COL15A1: variants seen among roughly 807,000 people sequenced by gnomAD.
COL15A1 encodes the protein collagen alpha-1(XV) chain.
In COL15A1, 111 loss-of-function variants were observed where a neutral mutation model predicts 165.9. The ratio of observed to expected loss-of-function variants is 0.67; its 90% CI spans 0.57 to 0.78. The LOEUF (loss-of-function observed/expected upper bound fraction) is 0.78. Among genes scored for constraint, COL15A1 ranks in the 30% least tolerant of loss-of-function variants. The probability of loss-of-function intolerance (pLI) is 0.00; values close to 1 mark genes in which losing one functional copy is unlikely to be tolerated. For synonymous variants in COL15A1, 659 were observed against 674.8 expected, an observed-to-expected ratio of 0.98 and a Z score of 0.36; for missense variants, 1,745 against 1,789.7, an observed-to-expected ratio of 0.98 and a Z score of 0.45.
rs1839300936 is a variant in COL15A1 at position 99,036,293 on chromosome 9, C to T, written c.2326-20C>T. The T allele has an allele frequency of 2.5e-6, 4 of 1,614,006 alleles. No homozygotes were observed. The highest frequency in any genetic ancestry group is 2.2e-5 in the East Asian group (1 of 44,878). ...CGCTGTACAGTGAATTTTTTTCTCA[C>T]TTCTTGCTGCTTTGACCAGGGAGAA... On this transcript the variant is annotated intron_variant, in intron 20 of 41. Transcript: ENST00000375001.
At chr9:99,037,004 A>C (rs1445145235) in intron 21 of COL15A1, among the ~76,000 whole-genome samples, 1 of 152,158 alleles carries the variant, frequency 6.6e-6, no homozygotes, top group Non-Finnish European at 1.5e-5. Context: ...CAAGGATTAC[A>C]CCCTTCATGT....
At chr9:98,945,459 T>C (rs922961576) in intron 2 of COL15A1, among the ~76,000 whole-genome samples, 2 of 152,102 alleles carry the variant, frequency 1.3e-5, no homozygotes, top group African/African-American at 4.8e-5. Context: ...CCCTTTGAAT[T>C]TGGGGGATTA....
At chr9:98,961,273 G>C (rs926981544) in intron 2 of COL15A1, among the ~76,000 whole-genome samples, 3 of 152,208 alleles carry the variant, frequency 2.0e-5, no homozygotes, top group Non-Finnish European at 2.9e-5. Context: ...AGTCTAATGG[G>C]GGACATTGAT....
Position 99,059,938 on chromosome 9 carries a change from C to G in COL15A1, c.3387C>G (p.Pro1129=), listed in dbSNP as rs4480177. ...PPGPPGQPGL[P]GSRNLVTAFS... is the part of the protein sequence containing the mutation. Reference sequence around the variant, plus strand: ...GCCCTCCAGGACAGCCAGGGCTTCCCGGATCCAGAAACCTGGTCAGTATTA... The same window carrying G: ...GCCCTCCAGGACAGCCAGGGCTTCCGGGATCCAGAAACCTGGTCAGTATTA... The change falls in exon 36 of 42, where the codon CCC becomes CCG. Residue 1129 remains proline, a synonymous_variant. Transcript: ENST00000375001. The G allele has an allele frequency of 6.2e-7, 1 of 1,612,590 alleles. No homozygotes were observed. The highest frequency in any genetic ancestry group is 8.5e-7 in the Non-Finnish European group (1 of 1,179,382).
chr9:99,028,199 C>G (rs1478983533), intron 16 of COL15A1, among the ~76,000 whole-genome samples: 2 of 152,062 alleles, frequency 1.3e-5, no homozygotes, highest in Non-Finnish European at 2.9e-5. Context: ...GGAGTTTTCT[C>G]TACAAAGAAT....
chr9:99,043,979 GGAGCTTA>G (rs1311359587), intron 24 of COL15A1, among the ~76,000 whole-genome samples: 3 of 152,198 alleles, frequency 2.0e-5, no homozygotes, highest in Non-Finnish European at 4.4e-5. Context: ...TGTTTGCACA[GGAGCTTA>G]GAGTTTGGAG....
chr9:98,987,121 A>C (rs1486838725), intron 3 of COL15A1, among the ~76,000 whole-genome samples, 173 bp from the exon 4 acceptor site: 2 of 152,110 alleles, frequency 1.3e-5, no homozygotes, highest in African/African-American at 4.8e-5. Context: ...GTCCCCCCAT[A>C]ACTGAGAGTG....
intron 7 of COL15A1, among the ~76,000 whole-genome samples, chr9:99,002,903 C>T (rs191983304): frequency 1.2e-4 from 19 of 152,336 alleles, no homozygotes; most frequent in Non-Finnish European, 1.5e-5. Flanking sequence ...GAAGATAGAA[C>T]ATAGTTTGCT....
chr9:99,066,318 C>G (rs1324455983), intron 39 of COL15A1, among the ~76,000 whole-genome samples: 1 of 152,158 alleles, frequency 6.6e-6, no homozygotes, highest in Admixed American at 6.5e-5. Flanking sequence ...CTATAAGACC[C>G]CTAGTTCCAG....
At chr9:98,986,795 T>C (rs931953759) in intron 3 of COL15A1, among the ~76,000 whole-genome samples, 4 of 152,166 alleles carry the variant, frequency 2.6e-5, no homozygotes, top group African/African-American at 9.7e-5. Context: ...TGTTAAGAAG[T>C]TAAAACACAA....
intron 26 of COL15A1, 94 bp from the exon 27 acceptor site, chr9:99,047,692 G>C: frequency 1.5e-6 from 2 of 1,319,054 alleles, no homozygotes; most frequent in Non-Finnish European, 2.2e-6. Flanking sequence ...GTGGATCATC[G>C]TCACCACTGC....
chr9:98,986,543 C>T (rs1838316754), intron 3 of COL15A1: 1 of 158,502 alleles, frequency 6.3e-6, no homozygotes, highest in African/African-American at 2.4e-5. Flanking sequence ...GTGGGATACA[C>T]TAGAATACCA....
Position 99,015,976 on chromosome 9 carries a change from G to T in COL15A1, c.1504G>T (p.Gly502Cys), listed in dbSNP as rs771231501. The stretch of plus-strand genomic sequence containing the variant: ...GCCTTAATGCTGGTTTTGTTTTCAG[G>T]GTCCTGGTGATGAAGAAGACTTGGC... ...TMAPERAVTS[G>C]PGDEEDLAAA... The change falls in exon 11 of 42, where the codon GGT (glycine) becomes TGT (cysteine). Residue 502 changes from glycine (G) to cysteine (C), a missense_variant and splice_region_variant. Physicochemically the swap from Gly to Cys is radical, Grantham distance 159. Coordinates refer to ENST00000375001, the MANE Select transcript of COL15A1 (RefSeq NM_001855.5). 7.4e-6 allele frequency: 12 copies of T among 1,613,230 alleles called. No homozygotes were observed. The Admixed American group carries it at 1.8e-4, about 25-fold the overall frequency.
intron 2 of COL15A1, among the ~76,000 whole-genome samples, chr9:98,971,083 ATCC>A (rs1412365001): frequency 1.3e-5 from 2 of 152,064 alleles, no homozygotes; most frequent in African/African-American, 4.8e-5. Context: ...GGCCTCCTGT[ATCC>A]TCCTCCCTTT....
intron 16 of COL15A1, among the ~76,000 whole-genome samples, chr9:99,032,518 CA>C (rs1773199364): frequency 6.6e-6 from 1 of 152,182 alleles, no homozygotes; most frequent in East Asian, 1.9e-4. Flanking sequence ...TGTATTCTTT[CA>C]TTTATCCTTC....
intron 10 of COL15A1, 101 bp downstream of exon 10, chr9:99,015,667 G>A (rs375378948): frequency 2.6e-6 from 3 of 1,144,468 alleles, no homozygotes; most frequent in African/African-American, 3.1e-5. Context: ...CCTGTAGCTT[G>A]GTTATGAGCA....
rs1838930756 is a variant in COL15A1 at position 99,016,094 on chromosome 9, T to A, written c.1622T>A (p.Val541Glu). ...PDGPPLPLPT[V>E]APERWITPAQ... ...GGGCCACCGCTGCCCCTGCCCACAG[T>A]GGCTCCTGAAAGATGGATCACTCCA... is the stretch of plus-strand genomic sequence containing the variant. The change falls in exon 11 of 42, where the codon GTG becomes GAG. Residue 541 changes from valine (V) to glutamate (E), a missense_variant. Val to Glu is a moderately radical substitution (Grantham distance 121, BLOSUM62 -2). Transcript: ENST00000375001. The A allele has an allele frequency of 6.2e-7, 1 of 1,612,836 alleles. No homozygotes were observed. The highest frequency in any genetic ancestry group is 1.3e-5 in the African/African-American group (1 of 74,874).
chr9:99,027,004 C>T (rs896086911), intron 16 of COL15A1, among the ~76,000 whole-genome samples: 3 of 152,208 alleles, frequency 2.0e-5, no homozygotes, highest in Non-Finnish European at 4.4e-5. Flanking sequence ...CAGAGTCTGG[C>T]CTGCCTTCAT....
intron 28 of COL15A1, 127 bp downstream of exon 28, chr9:99,048,127 C>A: frequency 1.4e-6 from 1 of 717,012 alleles, no homozygotes; most frequent in Non-Finnish European, 2.6e-6. Flanking sequence ...ACTGCCACTG[C>A]CAAAGGTCCT....
Sources: allele counts gnomAD v4.1 joint callset (sites outside exome capture counted in the v4.1 genomes callset), GRCh38; gene constraint gnomAD v4.1.1; transcripts MANE v1.5; gene names NCBI Gene and HGNC (gene_info 2026-07-23, HGNC 2026-07-21).